RABGAP1: variants seen among roughly 807,000 people sequenced by gnomAD.
RABGAP1 encodes RAB GTPase activating protein 1.
Under a neutral mutation model 137.6 loss-of-function variants are expected in RABGAP1, and 23 were observed. That is an observed-to-expected ratio of 0.17 (90% confidence interval 0.12 to 0.24). The LOEUF is 0.24. Among genes scored for constraint, RABGAP1 ranks in the 10% least tolerant of loss-of-function variants. The probability of loss-of-function intolerance (pLI) is 1.00; values close to 1 mark genes in which losing one functional copy is unlikely to be tolerated. For synonymous variants in RABGAP1, 451 were observed against 450.7 expected, an observed-to-expected ratio of 1.00 and a Z score of -0.01; for missense variants, 906 against 1,275.8, an observed-to-expected ratio of 0.71 and a Z score of 4.42.
At chr9:122,969,647 TAAAAA>T (rs529931499) in intron 2 of RABGAP1, among the ~76,000 whole-genome samples, 1 of 146,482 alleles carries the variant, frequency 6.8e-6, no homozygotes, top group Non-Finnish European at 1.5e-5. Context: ...CAAAATGACT[TAAAAA>T]AAAAAAGATT....
intron 13 of RABGAP1, among the ~76,000 whole-genome samples, chr9:123,025,403 C>CATTA (rs556213026): frequency 8.5e-4 from 129 of 152,250 alleles, no homozygotes; most frequent in African/African-American, 2.9e-3. Context: ...ATCTTTTATC[C>CATTA]AATCTCACTA....
intron 11 of RABGAP1, 113 bp downstream of exon 11, chr9:123,010,641 A>C: frequency 9.5e-7 from 1 of 1,050,392 alleles, no homozygotes; most frequent in African/African-American, 1.6e-5. Flanking sequence ...CATTTAATGA[A>C]TTCCTTATGA....
intron 21 of RABGAP1, among the ~76,000 whole-genome samples, chr9:123,094,675 A>G (rs1027266960): frequency 1.3e-5 from 2 of 152,166 alleles, no homozygotes; most frequent in Non-Finnish European, 2.9e-5. Context: ...TGAAGTGAGA[A>G]GTGTTCCCTC....
intron 1 of RABGAP1, among the ~76,000 whole-genome samples, chr9:122,950,709 T>G (rs1410929478): frequency 6.6e-6 from 1 of 152,202 alleles, no homozygotes; most frequent in Admixed American, 6.5e-5. Flanking sequence ...TATCAGACTC[T>G]TTGATACTGA....
At chr9:123,040,185 T>G (rs138801291) in intron 13 of RABGAP1, among the ~76,000 whole-genome samples, 44 of 152,328 alleles carry the variant, frequency 2.9e-4, no homozygotes, top group Admixed American at 9.2e-4. Context: ...AGCCTCACTG[T>G]TCTCTACTTT....
At chr9:123,002,760 A>T (rs1472750086) in intron 10 of RABGAP1, among the ~76,000 whole-genome samples, 1 of 151,562 alleles carries the variant, frequency 6.6e-6, no homozygotes, top group African/African-American at 2.4e-5. Context: ...TAATAACTTA[A>T]TTTTTTTTTA....
At chr9:122,968,482 C>T (rs1020421292) in intron 2 of RABGAP1, among the ~76,000 whole-genome samples, 3 of 152,128 alleles carry the variant, frequency 2.0e-5, no homozygotes, top group African/African-American at 7.2e-5. Flanking sequence ...CTTGGCCTCT[C>T]AAACTGCTAG....
At chr9:123,089,129 C>A (rs1003968270) in intron 19 of RABGAP1, among the ~76,000 whole-genome samples, 1 of 152,112 alleles carries the variant, frequency 6.6e-6, no homozygotes, top group Non-Finnish European at 1.5e-5. Context: ...GCAGAGTAGT[C>A]AGCACAGCTG....
chr9:123,099,355 GAGCGGT>G, intron 23 of RABGAP1, 117 bp from the exon 24 acceptor site: 2 of 876,546 alleles, frequency 2.3e-6, no homozygotes. Context: ...ATCCCCTCCT[GAGCGGT>G]AGCAGGCTAT....
At chr9:123,023,882 AT>A (rs796563886) in intron 13 of RABGAP1, among the ~76,000 whole-genome samples, 10 of 150,138 alleles carry the variant, frequency 6.7e-5, no homozygotes, top group South Asian at 6.3e-4. Flanking sequence ...TTACTTTGAG[AT>A]TTTTTTTTTG....
intron 1 of RABGAP1, among the ~76,000 whole-genome samples, chr9:122,943,952 CA>C (rs34584766): frequency 6.9e-5 from 10 of 145,474 alleles, no homozygotes; most frequent in Non-Finnish European, 1.1e-4. Flanking sequence ...GACTCCGTCT[CA>C]AAAAAAAAAG....
rs541539844 is a variant in RABGAP1, at chr9:123,076,848, GTATTA to G, written c.2424+91_2424+95del. 8.9e-4 allele frequency: 813 copies of G among 909,906 alleles called. 8 individuals carry two copies. In the African/African-American group the frequency reaches 0.011, roughly 13 times the overall value. 56.4% of individuals were successfully genotyped at this position (909,906 alleles called of 1,614,324 possible). ...TCATTTATAATACATAATTATTTAT[GTATTA>G]TATTTATAACATTTATAATACATAT... is the stretch of plus-strand genomic sequence containing the variant. On this transcript the variant is annotated intron_variant, in intron 19 of 25. Coordinates refer to ENST00000373647, the MANE Select transcript of RABGAP1 (RefSeq NM_012197.4).
intron 6 of RABGAP1, chr9:122,990,433 A>G (rs1488130065): frequency 3.1e-6 from 1 of 318,468 alleles, no homozygotes; most frequent in Non-Finnish European, 5.7e-6. Context: ...ACATGTTGCT[A>G]CCTTCTTTTA....
intron 2 of RABGAP1, among the ~76,000 whole-genome samples, chr9:122,958,428 A>T (rs925384348): frequency 6.6e-6 from 1 of 152,166 alleles, no homozygotes; most frequent in Non-Finnish European, 1.5e-5. Context: ...ACAAAACAGG[A>T]TATGTGGATA....
intron 19 of RABGAP1, among the ~76,000 whole-genome samples, chr9:123,078,786 C>T (rs1307731187): frequency 6.6e-6 from 1 of 152,140 alleles, no homozygotes; most frequent in Non-Finnish European, 1.5e-5. Flanking sequence ...CATCTATGCT[C>T]GTCGTCAGAA....
chr9:123,011,445 G>A (rs1388585189), intron 11 of RABGAP1, among the ~76,000 whole-genome samples: 1 of 152,116 alleles, frequency 6.6e-6, no homozygotes, highest in Non-Finnish European at 1.5e-5. Flanking sequence ...ACGTATCCAT[G>A]TACTTTCTTC....
At chr9:123,015,364 C>T (rs1030362557) in intron 11 of RABGAP1, among the ~76,000 whole-genome samples, 179 bp from the exon 12 acceptor site, 2 of 137,954 alleles carry the variant, frequency 1.4e-5, no homozygotes, top group African/African-American at 5.3e-5. Flanking sequence ...AAAGAGGTTA[C>T]AGCATTTTAC....
intron 24 of RABGAP1, 52 bp from the exon 25 acceptor site, chr9:123,101,514 T>C: frequency 6.5e-7 from 1 of 1,541,310 alleles, no homozygotes; most frequent in South Asian, 1.2e-5. Context: ...CACACCATCC[T>C]AAAGGGCCAG....
intron 21 of RABGAP1, among the ~76,000 whole-genome samples, chr9:123,091,300 A>G (rs2035025166): frequency 6.6e-6 from 1 of 152,168 alleles, no homozygotes; most frequent in African/African-American, 2.4e-5. Flanking sequence ...ATGCACTGAA[A>G]TAGGGTCCAT....
Sources: allele counts gnomAD v4.1 joint callset (sites outside exome capture counted in the v4.1 genomes callset), GRCh38; gene constraint gnomAD v4.1.1; transcripts MANE v1.5; gene names NCBI Gene and HGNC (gene_info 2026-07-23, HGNC 2026-07-21).